The following ATP8B1 variants were observed in gnomAD, a reference collection of about 807,000 sequenced individuals.
The protein encoded by ATP8B1 is phospholipid-transporting ATPase IC.
In ATP8B1, 80 loss-of-function variants were observed where a neutral mutation model predicts 149.9. That is an observed-to-expected ratio of 0.53 (90% CI 0.45 to 0.64). ATP8B1 has a LOEUF of 0.64. ATP8B1 is among the 30% of genes least tolerant of loss of function. ATP8B1 has a pLI of 0.00. For synonymous variants in ATP8B1, 536 were observed against 562.8 expected (o/e 0.95, Z 0.67); for missense variants, 1,247 against 1,552.6 (o/e 0.80, Z 3.31).
chr18:57,713,239 CCT>C (rs1913810991), intron 2 of ATP8B1, among the ~76,000 whole-genome samples: 1 of 127,014 alleles, frequency 7.9e-6, no homozygotes. Flanking sequence ...TTCCTTCCTT[CCT>C]TCTTTCTTTC....
intron 1 of ATP8B1, among the ~76,000 whole-genome samples, chr18:57,795,268 T>C (rs577337347): frequency 6.6e-6 from 1 of 150,776 alleles, no homozygotes; most frequent in Non-Finnish European, 1.5e-5. Context: ...CTGGGTGTGG[T>C]GGTGAGTGTC....
chr18:57,782,605 T>A (rs1338062021), intron 1 of ATP8B1, among the ~76,000 whole-genome samples: 1 of 152,056 alleles, frequency 6.6e-6, no homozygotes, highest in Non-Finnish European at 1.5e-5. Flanking sequence ...AGAATCTCAT[T>A]TATCAAAAAG....
chr18:57,653,476 GGGTCTCCCTAT>G (rs1326506354), intron 24 of ATP8B1, among the ~76,000 whole-genome samples: 1 of 151,454 alleles, frequency 6.6e-6, no homozygotes, highest in Non-Finnish European at 1.5e-5. Flanking sequence ...TGTAGAGATG[GGGTCTCCCTAT>G]GTTGCCAGGG....
rs749145384 is a variant in ATP8B1 at position 57,688,469 on chromosome 18, T to C, written c.1259A>G (p.Asn420Ser). 10 of 1,614,202 alleles carry C rather than the reference T, an allele frequency of 6.2e-6. No individual in the cohort carries two copies. Among genetic ancestry groups the C allele is most frequent in the Middle Eastern group, 1.6e-4 (1 of 6,062 alleles). Reference sequence around the variant, plus strand: ...AGCATAGTACATTTGCAGGTCCCAGTTGATGAAGTGACTCTGTCCAAGACG... The same window carrying C: ...AGCATAGTACATTTGCAGGTCCCAGCTGATGAAGTGACTCTGTCCAAGACG... Reference protein sequence around the residue: ...VIRLGQSHFINWDLQMYYAEK... With the variant: ...VIRLGQSHFISWDLQMYYAEK... The change falls in exon 13 of 28, where the codon AAC becomes AGC. Residue 420 changes from asparagine to serine, a missense_variant. Asn to Ser is a conservative substitution (Grantham distance 46). This residue lies in a region of ATP8B1 where 853 missense variants were observed against 1,035.7 expected (regional missense o/e 0.82). Coordinates refer to ENST00000648908, the MANE Select transcript of ATP8B1 (RefSeq NM_001374385.1).
At chr18:57,757,543 G>C (rs73959342) in intron 1 of ATP8B1, among the ~76,000 whole-genome samples, 2,333 of 152,144 alleles carry the variant, frequency 0.015, 70 homozygotes, top group African/African-American at 0.053. Context: ...ATGCACACAC[G>C]CATGTACATG....
At position 57,695,180 on chromosome 18, in the gene ATP8B1, T is replaced by C; in HGVS notation, c.931A>G (p.Ile311Val). The C allele has an allele frequency of 6.2e-7, 1 of 1,613,744 alleles. No individual in the cohort carries two copies. Among genetic ancestry groups the C allele is most frequent in the African/African-American group, 1.3e-5 (1 of 74,900 alleles). The part of the protein sequence containing the change: ...RNTDFCHGLV[I>V]FAGADTKIMK... Reference sequence around the variant, plus strand: ...GAAACTCTGAACGTACCTGCAAAAATGACTAAGCCGTGGCAGAAATCGGTG... The same window carrying C: ...GAAACTCTGAACGTACCTGCAAAAACGACTAAGCCGTGGCAGAAATCGGTG... The change falls in exon 10 of 28, where the codon ATT (isoleucine) becomes GTT (valine). Residue 311 changes from isoleucine to valine, a missense_variant. This residue lies in a region of ATP8B1 where 853 missense variants were observed against 1,035.7 expected (regional missense o/e 0.82). Transcript: ENST00000648908.
rs142269732 is a variant in ATP8B1 at position 57,794,618 on chromosome 18, T to G, written c.-26+8380A>C. ...AAGAGTCACCCATAGCACAGACCAG[T>G]TGGATGATAGAATGGCATATGACGG... On this transcript the variant is annotated intron_variant, in intron 1 of 27. Coordinates refer to ENST00000648908, the MANE Select transcript of ATP8B1 (RefSeq NM_001374385.1). Among the ~76,000 whole-genome samples the G allele has an allele frequency of 1.1e-3, 165 of 151,546 alleles. 2 individuals carry two copies. The East Asian group carries it at 0.022, about 20-fold the overall frequency.
intron 2 of ATP8B1, among the ~76,000 whole-genome samples, chr18:57,729,674 C>T (rs1418776471): frequency 3.3e-5 from 5 of 151,564 alleles, no homozygotes; most frequent in African/African-American, 1.2e-4. Flanking sequence ...CCTCAGCCTC[C>T]CAAATAGCTG....
intron 4 of ATP8B1, 33 bp downstream of exon 4, chr18:57,704,522 T>C: frequency 1.5e-6 from 2 of 1,373,582 alleles, no homozygotes; most frequent in Non-Finnish European, 2.1e-6. Flanking sequence ...GTCACTATAA[T>C]TCAAACAGAT....
At chr18:57,661,654 T>C (rs1383912472) in intron 21 of ATP8B1, among the ~76,000 whole-genome samples, 192 bp from the exon 22 acceptor site, 5 of 113,632 alleles carry the variant, frequency 4.4e-5, no homozygotes, top group South Asian at 2.8e-4. Flanking sequence ...CACGCACACA[T>C]ATATGTATGT....
chr18:57,776,023 T>G (rs904299884), intron 1 of ATP8B1, among the ~76,000 whole-genome samples: 1 of 152,154 alleles, frequency 6.6e-6, no homozygotes, highest in Non-Finnish European at 1.5e-5. Context: ...GATGCCAGGA[T>G]AAGGAGTAGG....
At chr18:57,718,290 C>T (rs1457475338) in intron 2 of ATP8B1, among the ~76,000 whole-genome samples, 1 of 151,760 alleles carries the variant, frequency 6.6e-6, no homozygotes, top group Non-Finnish European at 1.5e-5. Context: ...ATACATAAAA[C>T]CTACCAAGAT....
At chr18:57,792,711 T>C (rs1193202974) in intron 1 of ATP8B1, among the ~76,000 whole-genome samples, 20 of 152,112 alleles carry the variant, frequency 1.3e-4, no homozygotes, top group Non-Finnish European at 2.8e-4. Context: ...CTAAGAACCA[T>C]TGAATTGTAT....
intron 1 of ATP8B1, among the ~76,000 whole-genome samples, chr18:57,781,987 T>C (rs2080361453): frequency 1.3e-5 from 2 of 152,154 alleles, no homozygotes; most frequent in South Asian, 4.1e-4. Flanking sequence ...AGAACCCATC[T>C]CTAAAAACCA....
At chr18:57,669,807 G>A (rs941215120) in intron 17 of ATP8B1, among the ~76,000 whole-genome samples, 4 of 151,940 alleles carry the variant, frequency 2.6e-5, no homozygotes, top group Non-Finnish European at 5.9e-5. Flanking sequence ...GCACCACCAC[G>A]CCTGGTAATT....
chr18:57,720,945 C>A (rs1378025363), intron 2 of ATP8B1, among the ~76,000 whole-genome samples: 1 of 149,106 alleles, frequency 6.7e-6, no homozygotes, highest in Admixed American at 6.7e-5. Context: ...CAGTATTCAA[C>A]ATTCTTAAAG....
chr18:57,732,337 A>ATATGTG (rs2079792589), intron 1 of ATP8B1, among the ~76,000 whole-genome samples: 1 of 49,426 alleles, frequency 2.0e-5, no homozygotes, highest in African/African-American at 5.9e-5. Context: ...ATATGTGTGT[A>ATATGTG]TATATATGTA....
intron 1 of ATP8B1, among the ~76,000 whole-genome samples, chr18:57,751,642 G>A (rs1294103257): frequency 3.3e-5 from 5 of 152,032 alleles, no homozygotes; most frequent in Non-Finnish European, 5.9e-5. Context: ...CTTCATTATA[G>A]AAATTACTAG....
intron 1 of ATP8B1, among the ~76,000 whole-genome samples, chr18:57,748,354 A>G (rs892407023): frequency 1.3e-5 from 2 of 152,224 alleles, no homozygotes; most frequent in African/African-American, 4.8e-5. Flanking sequence ...ACATGCTGCC[A>G]CAAGCCAAGG....
Sources: allele counts gnomAD v4.1 joint callset (sites outside exome capture counted in the v4.1 genomes callset), GRCh38; gene constraint gnomAD v4.1.1; regional missense constraint gnomAD v4.1.1; transcripts MANE v1.5; gene names NCBI Gene and HGNC (gene_info 2026-07-23, HGNC 2026-07-21).